Variants in VWA3A observed in about 807,000 individuals in gnomAD.
VWA3A encodes von Willebrand factor A domain containing 3A, also known as von Willebrand factor A domain-containing protein 3A.
Under a neutral mutation model 160.4 loss-of-function variants are expected in VWA3A, and 134 were observed. The observed-to-expected ratio is 0.84, with a 90% CI of 0.73 to 0.96. The LOEUF (loss-of-function observed/expected upper bound fraction) is 0.96, where lower values mean the gene tolerates loss of function less well. VWA3A is among the 40% of genes least tolerant of loss of function. The pLI is 0.00. For synonymous variants in VWA3A, 476 were observed against 543.4 expected (o/e 0.88, Z 1.72); for missense variants, 1,310 against 1,447.9 (o/e 0.90, Z 1.55).
At chr16:22,126,340 T>A (rs750502081) in intron 17 of VWA3A, 43 bp downstream of exon 17, 5 of 1,589,996 alleles carry the variant, frequency 3.1e-6, no homozygotes, top group Non-Finnish European at 4.3e-6. Context: ...GGGTCGTGTG[T>A]GTTTGGATGC....
At chr16:22,123,744 TC>T in intron 16 of VWA3A, 37 bp downstream of exon 16, 1 of 1,574,676 alleles carries the variant, frequency 6.4e-7, no homozygotes, top group Non-Finnish European at 8.7e-7. Flanking sequence ...CCTTCATGGG[TC>T]TGGTGTGTGA....
chr16:22,121,443 CA>C, intron 13 of VWA3A, 70 bp from the exon 14 acceptor site: 6 of 1,296,122 alleles, frequency 4.6e-6, no homozygotes, highest in East Asian at 2.3e-5. Context: ...AACCCTGTCT[CA>C]AAAAAATAAA....
intron 12 of VWA3A, 72 bp downstream of exon 12, chr16:22,119,099 C>G (rs945114979): frequency 6.6e-7 from 1 of 1,512,386 alleles, no homozygotes; most frequent in African/African-American, 1.4e-5. Context: ...CCCTTTCTCA[C>G]CTGTTCATAG....
chr16:22,105,282 G>A (rs923505403), intron 6 of VWA3A, among the ~76,000 whole-genome samples: 4 of 152,140 alleles, frequency 2.6e-5, no homozygotes, highest in Non-Finnish European at 5.9e-5. Context: ...CCTTCATCCT[G>A]CCACCCCTTT....
At chr16:22,123,399 T>G in intron 15 of VWA3A, 1 of 1,481,786 alleles carries the variant, frequency 6.7e-7, no homozygotes, top group Non-Finnish European at 9.1e-7. Flanking sequence ...ATCTGCTTCC[T>G]TCCCCATTTG....
intron 3 of VWA3A, 70 bp from the exon 4 acceptor site, chr16:22,100,122 ATC>A: frequency 6.8e-7 from 1 of 1,459,910 alleles, no homozygotes; most frequent in Non-Finnish European, 9.0e-7. Context: ...CCCGTTGGGT[ATC>A]TGTGTGAAGG....
rs1167485939 is a variant in VWA3A at position 22,148,177 on chromosome 16, T to C, written c.2855T>C (p.Phe952Ser). Reference protein sequence around the residue: ...QWLLSGSRRLFGTVLESKVCI... With the variant: ...QWLLSGSRRLSGTVLESKVCI... ...CTCGGAGCAGGGAGCCGCCGACTGT[T>C]TGGCACCGTTTTGGAGAGCAAAGTA... is the stretch of plus-strand genomic sequence containing the variant. Residue 952 changes from phenylalanine to serine, a missense_variant, in exon 28 of 34, where the codon TTT (phenylalanine) becomes TCT (serine). Phe to Ser is a radical substitution (Grantham distance 155). Coordinates refer to ENST00000389398, the MANE Select transcript of VWA3A (RefSeq NM_173615.5). The C allele has an allele frequency of 6.2e-7, 1 of 1,602,522 alleles. No individual in the cohort carries two copies. The highest frequency in any genetic ancestry group is 1.7e-5 in the Admixed American group (1 of 58,324).
At chr16:22,131,546 G>C (rs1455981118) in intron 18 of VWA3A, 39 bp from the exon 19 acceptor site, 3 of 1,603,554 alleles carry the variant, frequency 1.9e-6, no homozygotes, top group Non-Finnish European at 1.7e-6. Context: ...CCTGGGCATG[G>C]GCCAATGACC....
intron 23 of VWA3A, 89 bp from the exon 24 acceptor site, chr16:22,141,493 C>T (rs1394922614): frequency 1.6e-6 from 2 of 1,240,078 alleles, no homozygotes; most frequent in African/African-American, 3.0e-5. Flanking sequence ...TGGAGTATAG[C>T]TGAACTTGAG....
chr16:22,126,197 A>G lies in VWA3A; in HGVS notation c.1552A>G (p.Ile518Val), dbSNP rs1038439594. The G allele has an allele frequency of 6.2e-7, 1 of 1,613,900 alleles. No homozygotes were observed. Among genetic ancestry groups the G allele is most frequent in the Non-Finnish European group, 8.5e-7 (1 of 1,179,844 alleles). The change falls in exon 17 of 34, where the codon ATC (isoleucine) becomes GTC (valine). Residue 518 changes from isoleucine to valine, a missense_variant. Physicochemically the swap from Ile to Val is conservative, Grantham distance 29. Transcript: ENST00000389398. Reference sequence around the variant, plus strand: ...TTTTAGGGTGGTTGTACTGCTCGATATCTCTGCGACCAATTCCATGTACAT... The same window carrying G: ...TTTTAGGGTGGTTGTACTGCTCGATGTCTCTGCGACCAATTCCATGTACAT... ...CEKRVVVLLD[I>V]SATNSMYIIH... is the part of the protein sequence containing the mutation.
chr16:22,099,733 C>A (rs917825625), intron 3 of VWA3A, among the ~76,000 whole-genome samples: 3 of 152,148 alleles, frequency 2.0e-5, no homozygotes, highest in African/African-American at 7.2e-5. Context: ...ATGATCACAC[C>A]GCTGCACTCC....
At position 22,114,027 on chromosome 16, in the gene VWA3A, GA is replaced by G. The variant is rs961930919; in HGVS notation, c.690-1308del. ...ATATATCTTTCTTTAATGGCTTTGA[GA>G]AAAAAAAAAAAGAAAGCAGCCATAT... On this transcript the variant is annotated intron_variant, in intron 8 of 33. Coordinates refer to ENST00000389398, the MANE Select transcript of VWA3A (RefSeq NM_173615.5). Among the ~76,000 whole-genome samples the G allele has an allele frequency of 4.6e-3, 630 of 137,080 alleles. 3 individuals are homozygous for G. Among genetic ancestry groups the G allele is most frequent in the African/African-American group, 0.014 (525 of 37,506 alleles). 89.9% of individuals were successfully genotyped at this position (137,080 alleles called of 152,430 possible).
intron 26 of VWA3A, among the ~76,000 whole-genome samples, chr16:22,145,388 C>T (rs1467120681): frequency 3.9e-5 from 6 of 152,080 alleles, no homozygotes; most frequent in Non-Finnish European, 8.8e-5. Context: ...CCTGTAGTCC[C>T]AGAACTTTGG....
At chr16:22,123,475 G>A (rs1477621538) in intron 15 of VWA3A, 138 bp from the exon 16 acceptor site, 2 of 1,566,574 alleles carry the variant, frequency 1.3e-6, no homozygotes, top group African/African-American at 2.7e-5. Flanking sequence ...ATGATTTAGT[G>A]GAATGATTAT....
intron 25 of VWA3A, among the ~76,000 whole-genome samples, chr16:22,143,823 C>A (rs1027536825): frequency 4.0e-5 from 6 of 151,594 alleles, no homozygotes; most frequent in Non-Finnish European, 7.4e-5. Flanking sequence ...TCACTGCAAC[C>A]TCCGCCTCCT....
intron 13 of VWA3A, 132 bp downstream of exon 13, chr16:22,121,235 C>T: frequency 2.2e-6 from 3 of 1,394,528 alleles, no homozygotes; most frequent in Middle Eastern, 4.1e-4. Flanking sequence ...CAGTTGAGGC[C>T]AGGGATATGA....
intron 30 of VWA3A, among the ~76,000 whole-genome samples, chr16:22,152,085 C>T (rs2046358706): frequency 6.6e-6 from 1 of 152,148 alleles, no homozygotes; most frequent in African/African-American, 2.4e-5. Context: ...GTGGCAGGTG[C>T]CTGTAGTCCC....
At chr16:22,111,335 T>C (rs1339593448) in intron 8 of VWA3A, among the ~76,000 whole-genome samples, 1 of 152,198 alleles carries the variant, frequency 6.6e-6, no homozygotes, top group Non-Finnish European at 1.5e-5. Context: ...TCTTTTTTTT[T>C]TCAAGACAGG....
intron 6 of VWA3A, among the ~76,000 whole-genome samples, chr16:22,106,724 A>G (rs1158074184): frequency 6.6e-6 from 1 of 152,230 alleles, no homozygotes; most frequent in Non-Finnish European, 1.5e-5. Flanking sequence ...AAGTTTCAAA[A>G]GAATCACGCT....
Sources: allele counts gnomAD v4.1 joint callset (sites outside exome capture counted in the v4.1 genomes callset), GRCh38; gene constraint gnomAD v4.1.1; transcripts MANE v1.5; gene names NCBI Gene and HGNC (gene_info 2026-07-23, HGNC 2026-07-21).